CSF2RB: variants seen among roughly 807,000 people sequenced by gnomAD.
CSF2RB encodes colony stimulating factor 2 receptor subunit beta.
CSF2RB carries 22 observed loss-of-function variants against 67.2 expected under a neutral mutation model. The observed-to-expected ratio is 0.33, with a 90% CI of 0.23 to 0.47. The LOEUF (loss-of-function observed/expected upper bound fraction) is 0.47. Among genes scored for constraint, CSF2RB ranks in the 20% least tolerant of loss-of-function variants. The pLI, the probability that CSF2RB is intolerant of heterozygous loss-of-function variation, is 1.00. For missense variants in CSF2RB, 1,113 were observed against 1,174.5 expected (o/e 0.95, Z 0.76); for synonymous variants, 507 against 482.9 (o/e 1.05, Z -0.65).
chr22:36,934,743 G>A (rs989085132), intron 10 of CSF2RB, among the ~76,000 whole-genome samples: 1 of 152,214 alleles, frequency 6.6e-6, no homozygotes, highest in Non-Finnish European at 1.5e-5. Context: ...GAGAGAGTAA[G>A]GATACAGGAG....
chr22:36,923,511 A>T (rs936664625), intron 3 of CSF2RB, 144 bp downstream of exon 3: 2 of 1,342,288 alleles, frequency 1.5e-6, no homozygotes, highest in African/African-American at 2.9e-5. Context: ...GAGGCCCTGC[A>T]AGAGCTCCTG....
rs1303210548 is a variant in CSF2RB at position 36,922,297 on chromosome 22, C to T, written c.76+14C>T. 3.8e-6 allele frequency: 6 copies of T among 1,564,868 alleles called. No homozygotes were observed. Among genetic ancestry groups the T allele is most frequent in the Non-Finnish European group, 4.3e-6 (5 of 1,154,580 alleles). On this transcript the variant is annotated intron_variant, in intron 2 of 13. Coordinates refer to ENST00000403662, the MANE Select transcript of CSF2RB (RefSeq NM_000395.3). The stretch of plus-strand genomic sequence containing the variant: ...CAGGGGCAGAAGGTGAGTCCCGTGG[C>T]TCCCACCCACTTCCCTGTCCCTGTC...
rs1941341725 is a variant in CSF2RB at position 36,939,357 on chromosome 22, A to G, written c.*855A>G. ...CGGAAAAGTCAGGGGAAACTGCCAAACAAAGGAAAATGCCCCAAAGGCATA... is the reference window on the plus strand; with the variant it reads ...CGGAAAAGTCAGGGGAAACTGCCAAGCAAAGGAAAATGCCCCAAAGGCATA... On this transcript the variant is annotated 3_prime_UTR_variant, in exon 14 of 14. Transcript: ENST00000403662. 1 of 685,776 alleles carries G rather than the reference A, an allele frequency of 1.5e-6. No homozygotes were observed. Among genetic ancestry groups the G allele is most frequent in the Admixed American group, 2.1e-5 (1 of 47,678 alleles). 42.5% of individuals were successfully genotyped at this position (685,776 alleles called of 1,614,324 possible).
rs199648210 is a variant in CSF2RB at position 36,935,621 on chromosome 22, G to A, written c.1407-9G>A. Reference sequence around the variant, plus strand: ...CTCTGATGGCTGTCACCTCCGTGGTGTCTTCCAGGCTGCGCAGAAAGTGGG... The same window carrying A: ...CTCTGATGGCTGTCACCTCCGTGGTATCTTCCAGGCTGCGCAGAAAGTGGG... On this transcript the variant is annotated splice_polypyrimidine_tract_variant and intron_variant, in intron 11 of 13. Coordinates refer to ENST00000403662, the MANE Select transcript of CSF2RB (RefSeq NM_000395.3). 239 of 1,614,230 alleles carry A rather than the reference G, an allele frequency of 1.5e-4. No homozygotes were observed. Among genetic ancestry groups the A allele is most frequent in the Non-Finnish European group, 1.8e-4 (212 of 1,180,038 alleles).
intron 6 of CSF2RB, 104 bp from the exon 7 acceptor site, chr22:36,930,271 C>A: frequency 6.5e-7 from 1 of 1,537,670 alleles, no homozygotes; most frequent in Non-Finnish European, 8.9e-7. Context: ...GTCTTTTGGC[C>A]CCAGAGCTCA....
chr22:36,928,786 G>C (rs1472029472), intron 4 of CSF2RB, among the ~76,000 whole-genome samples: 2 of 152,146 alleles, frequency 1.3e-5, no homozygotes, highest in Non-Finnish European at 2.9e-5. Flanking sequence ...AGGGAAGGGG[G>C]TCAGGACCAA....
intron 4 of CSF2RB, among the ~76,000 whole-genome samples, chr22:36,927,339 G>T (rs1002247714): frequency 6.6e-6 from 1 of 152,190 alleles, no homozygotes; most frequent in African/African-American, 2.4e-5. Flanking sequence ...GCCGTCCACC[G>T]TGAGAACTTA....
intron 1 of CSF2RB, among the ~76,000 whole-genome samples, chr22:36,917,079 C>T (rs1940736455): frequency 6.6e-6 from 1 of 152,152 alleles, no homozygotes; most frequent in Non-Finnish European, 1.5e-5. Context: ...GTGATGCCAA[C>T]GTTTCCGCCA....
chr22:36,931,878 C>T (rs899053163), intron 8 of CSF2RB, among the ~76,000 whole-genome samples: 3 of 152,128 alleles, frequency 2.0e-5, no homozygotes, highest in African/African-American at 4.8e-5. Flanking sequence ...GATTTTCTGG[C>T]GATGAGAACG....
At chr22:36,923,489 C>T in intron 3 of CSF2RB, 122 bp downstream of exon 3, 1 of 1,424,394 alleles carries the variant, frequency 7.0e-7, no homozygotes, top group East Asian at 2.5e-5. Context: ...GGACAGAGGA[C>T]AGAGGAGGAG....
rs1258295148 is a variant in CSF2RB, at chr22:36,929,522, T to A, written c.512T>A (p.Phe171Tyr). ...TGGTTGTCCCCAGGGGATCTGGAGT[T>A]TGAGGTGGTCTACAAGCGGCTTCAG... Reference protein sequence around the residue: ...SHWLSPGDLEFEVVYKRLQDS... With the variant: ...SHWLSPGDLEYEVVYKRLQDS... The change falls in exon 5 of 14, where the codon TTT becomes TAT. Residue 171 changes from phenylalanine to tyrosine, a missense_variant. By Grantham distance (22) the Phe-to-Tyr change is conservative. Around this residue, in one of 2 missense-constraint regions of CSF2RB, gnomAD observed 559 missense variants for 656.5 expected, o/e 0.85. Transcript: ENST00000403662. The A allele has an allele frequency of 6.2e-7, 1 of 1,614,176 alleles. No homozygotes were observed. The highest frequency in any genetic ancestry group is 1.1e-5 in the South Asian group (1 of 91,086).
At position 36,929,739 on chromosome 22, in the gene CSF2RB, C is replaced by T. The variant is rs1191632315; in HGVS notation, c.650C>T (p.Ala217Val). The T allele has an allele frequency of 1.9e-6, 3 of 1,614,074 alleles. No homozygotes were observed. The highest frequency in any genetic ancestry group is 1.3e-5 in the African/African-American group (1 of 74,934). ...TYVARVRTRL[A>V]PGSRLSGRPS... is the part of the protein sequence containing the mutation. ...GTGGCCCGAGTACGGACCCGCCTGG[C>T]CCCAGGTTCTCGGCTCTCAGGACGT... The change falls in exon 6 of 14, where the codon GCC becomes GTC. Residue 217 changes from alanine to valine, a missense_variant. Physicochemically the swap from Ala to Val is moderately conservative, Grantham distance 64 (BLOSUM62 0). This residue lies in a region of CSF2RB where 559 missense variants were observed against 656.5 expected (regional missense o/e 0.85). Coordinates refer to ENST00000403662, the MANE Select transcript of CSF2RB (RefSeq NM_000395.3).
At position 36,930,690 on chromosome 22, in the gene CSF2RB, C is replaced by T. The variant is rs1449386315; in HGVS notation, c.872C>T (p.Pro291Leu). The change falls in exon 8 of 14, where the codon CCA (proline) becomes CTA (leucine). Residue 291 changes from proline (P) to leucine (L), a missense_variant. Physicochemically the swap from Pro to Leu is moderately conservative, Grantham distance 98 (BLOSUM62 -3). This residue lies in a region of CSF2RB where 559 missense variants were observed against 656.5 expected (regional missense o/e 0.85). Transcript: ENST00000403662. ...SPDAGEEECS[P>L]VLREGLGSLH... ...CTCCTCAGGGAGGAAGAGTGCTCCC[C>T]AGTGCTGAGGGAGGGGCTCGGCAGC... 6.2e-7 allele frequency: 1 copy of T among 1,612,806 alleles called. No individual in the cohort carries two copies.
intron 1 of CSF2RB, among the ~76,000 whole-genome samples, chr22:36,918,015 G>A (rs1428813572): frequency 6.6e-6 from 1 of 152,050 alleles, no homozygotes; most frequent in Non-Finnish European, 1.5e-5. Flanking sequence ...AAAACAAGAG[G>A]AGATCTTTAG....
intron 4 of CSF2RB, among the ~76,000 whole-genome samples, chr22:36,927,521 A>G (rs1601585805): frequency 6.6e-6 from 1 of 152,098 alleles, no homozygotes. Context: ...AGGCTGGGGG[A>G]TCAGAAGGGC....
Position 36,928,433 on chromosome 22 carries a change from C to T in CSF2RB, c.392-969C>T, listed in dbSNP as rs192210771. On this transcript the variant is annotated intron_variant, in intron 4 of 13. Transcript: ENST00000403662. Reference sequence around the variant, plus strand: ...TGTCCTGGCTGTGGGTGAGGAGGGGCGGTTCCCCTGCTGTGTGTCTGCCGT... The same window carrying T: ...TGTCCTGGCTGTGGGTGAGGAGGGGTGGTTCCCCTGCTGTGTGTCTGCCGT... Among the ~76,000 whole-genome samples, 859 of 152,212 alleles carry T rather than the reference C, an allele frequency of 5.6e-3. 8 individuals carry two copies. The highest frequency in any genetic ancestry group is 0.02 in the African/African-American group (816 of 41,534).
chr22:36,915,328 G>T (rs1349347204), intron 1 of CSF2RB, among the ~76,000 whole-genome samples: 4 of 151,838 alleles, frequency 2.6e-5, no homozygotes, highest in East Asian at 1.9e-4. Flanking sequence ...CAGATGATCC[G>T]CCTGTCTCAG....
intron 3 of CSF2RB, among the ~76,000 whole-genome samples, chr22:36,924,919 A>G (rs971447810): frequency 2.0e-5 from 3 of 152,122 alleles, no homozygotes; most frequent in Non-Finnish European, 2.9e-5. Flanking sequence ...TCCACTCTGC[A>G]GAGACCCCCT....
rs779138770 is a variant in CSF2RB, at chr22:36,938,311, C to T, written c.2503C>T (p.Leu835Phe). The change falls in exon 14 of 14, where the codon CTC (leucine) becomes TTC (phenylalanine). Residue 835 changes from leucine to phenylalanine, a missense_variant. Leu to Phe is a conservative substitution (Grantham distance 22). Around this residue, in one of 2 missense-constraint regions of CSF2RB, gnomAD observed 554 missense variants for 517.9 expected, o/e 1.07. Transcript: ENST00000403662. ...LPGLGPGPLS[L>F]RSKPSSPGPG... ...CGGCCTGGGGCCCGGCCCTCTCTCGCTCCGGAGTAAACCTTCTTCCCCGGG... is the reference window on the plus strand; with the variant it reads ...CGGCCTGGGGCCCGGCCCTCTCTCGTTCCGGAGTAAACCTTCTTCCCCGGG... 1.9e-6 allele frequency: 3 copies of T among 1,614,238 alleles called. No homozygotes were observed. Among genetic ancestry groups the T allele is most frequent in the South Asian group, 2.2e-5 (2 of 91,086 alleles).
Sources: gnomAD v4.1 joint callset for allele counts (sites outside exome capture counted in the v4.1 genomes callset) on GRCh38, gnomAD v4.1.1 for gene constraint, gnomAD v4.1.1 regional missense constraint, MANE v1.5 for transcripts, NCBI Gene and HGNC (gene_info 2026-07-23, HGNC 2026-07-21) for gene names.